The following DEPDC1 variants were observed in gnomAD, a reference collection of about 807,000 sequenced individuals.
DEPDC1 encodes DEP domain containing 1.
In DEPDC1, 66 loss-of-function variants were observed where a neutral mutation model predicts 86.8. The observed-to-expected ratio is 0.76, with a 90% CI of 0.62 to 0.93. The LOEUF is 0.93. Among genes scored for constraint, DEPDC1 ranks in the 40% least tolerant of loss-of-function variants. The probability of loss-of-function intolerance (pLI) is 0.00; values close to 1 mark genes in which losing one functional copy is unlikely to be tolerated. For missense variants in DEPDC1, 792 were observed against 935.7 expected (o/e 0.85, Z 2.00); for synonymous variants, 255 against 314.9 (o/e 0.81, Z 2.02).
rs375154225 is a variant in DEPDC1, at chr1:68,492,707, CAAAT to C, written c.314+1719_314+1722del. On this transcript the variant is annotated intron_variant, in intron 2 of 11. Coordinates refer to ENST00000456315, the MANE Select transcript of DEPDC1 (RefSeq NM_001114120.3). ...AAATCCAGGTAAAACAAAAGCAAAA[CAAAT>C]AAAGAGAAATCCAGGTAAGAATTAT... 4.5e-4 allele frequency among the ~76,000 whole-genome samples: 69 copies of C among 152,086 alleles called. 1 individual carries two copies. Among genetic ancestry groups the C allele is most frequent in the African/African-American group, 1.2e-3 (50 of 41,488 alleles).
At position 68,476,841 on chromosome 1, in the gene DEPDC1, A is replaced by G; in HGVS notation, c.*91T>C. On this transcript the variant is annotated 3_prime_UTR_variant, in exon 12 of 12. Coordinates refer to ENST00000456315, the MANE Select transcript of DEPDC1 (RefSeq NM_001114120.3). Reference sequence around the variant, plus strand: ...GTGTTTATTTAGAAATACCTTATTAATGACAGACTTCCTTTTGAGTAGCTA... The same window carrying G: ...GTGTTTATTTAGAAATACCTTATTAGTGACAGACTTCCTTTTGAGTAGCTA... 8.7e-7 allele frequency: 1 copy of G among 1,147,390 alleles called. No individual in the cohort carries two copies. Among genetic ancestry groups the G allele is most frequent in the East Asian group, 2.6e-5 (1 of 37,846 alleles). 71.1% of individuals were successfully genotyped at this position (1,147,390 alleles called of 1,614,324 possible).
chr1:68,489,312 A>G, intron 3 of DEPDC1, 140 bp downstream of exon 3: 3 of 579,008 alleles, frequency 5.2e-6, no homozygotes, highest in Non-Finnish European at 8.6e-6. Context: ...AATTTTATAT[A>G]TACATATTTA....
chr1:68,484,456 T>G (rs1202480287), intron 6 of DEPDC1, among the ~76,000 whole-genome samples: 1 of 152,072 alleles, frequency 6.6e-6, no homozygotes, highest in Non-Finnish European at 1.5e-5. Context: ...TTTTGTAAAT[T>G]TACATGTTCA....
In DEPDC1 at chr1:68,482,209, GATA is replaced by G; in HGVS notation, c.1596_1598del (p.Ile533del). 1 of 1,612,876 alleles carries G rather than the reference GATA, an allele frequency of 6.2e-7. No individual in the cohort carries two copies. Among genetic ancestry groups the G allele is most frequent in the Middle Eastern group, 1.7e-4 (1 of 6,046 alleles). Reference sequence around the variant, plus strand: ...TGCCTTGTCCAACATTTGGTTTCATGATAATTTCAGCCACTGGTGTATTGATAT... The same window carrying G: ...TGCCTTGTCCAACATTTGGTTTCATGATTTCAGCCACTGGTGTATTGATAT... On this transcript the variant is annotated inframe_deletion, in exon 8 of 12. Transcript: ENST00000456315.
chr1:68,495,451 A>C (rs1646258601), intron 1 of DEPDC1, among the ~76,000 whole-genome samples: 1 of 152,230 alleles, frequency 6.6e-6, no homozygotes, highest in Non-Finnish European at 1.5e-5. Context: ...TTTTCACATA[A>C]GGAAAATAAA....
At chr1:68,489,669 A>AT (rs561969956) in intron 2 of DEPDC1, 61 bp from the exon 3 acceptor site, 31,325 of 1,191,194 alleles carry the variant, frequency 0.026, 191 homozygotes, top group Middle Eastern at 0.039. Context: ...TTTAGAGCCT[A>AT]TTTTTTTTTT....
chr1:68,489,447 G>T lies in DEPDC1; in HGVS notation c.471+5C>A, dbSNP rs757481894. 2.0e-6 allele frequency: 3 copies of T among 1,479,248 alleles called. No homozygotes were observed. Among genetic ancestry groups the T allele is most frequent in the East Asian group, 5.1e-5 (2 of 38,868 alleles). The allele number at this position is 1,479,248 out of a possible 1,614,324, so 91.6% of individuals were successfully genotyped here. A position where few individuals can be genotyped will look rare whatever the true frequency, so the allele number is the denominator to read the frequency against. ...AAACTAGTAATTAGTAAAAGGATGT[G>T]TTACCTGAGATAAATGTAATCCATG... On this transcript the variant is annotated splice_donor_5th_base_variant and intron_variant, in intron 3 of 11. Coordinates refer to ENST00000456315, the MANE Select transcript of DEPDC1 (RefSeq NM_001114120.3).
At chr1:68,489,319 T>C in intron 3 of DEPDC1, 133 bp downstream of exon 3, 2 of 600,556 alleles carry the variant, frequency 3.3e-6, no homozygotes, top group Middle Eastern at 4.7e-4. Flanking sequence ...TATATACATA[T>C]TTAGAATGTA....
Position 68,496,855 on chromosome 1 carries a change from C to T in DEPDC1, c.48+97G>A. On this transcript the variant is annotated intron_variant, in intron 1 of 11. Transcript: ENST00000456315. This position sits in a 1 kb window ranked among gnomAD's most constrained non-coding sequence, Gnocchi z 4.0. ...CTAGGGATCCTGGGACTCATCCCTC[C>T]GACCGAGGTAAAACTGCGAACGGTC... is the stretch of plus-strand genomic sequence containing the variant. 7.8e-7 allele frequency: 1 copy of T among 1,274,022 alleles called. No homozygotes were observed. Among genetic ancestry groups the T allele is most frequent in the Non-Finnish European group, 1.1e-6 (1 of 890,234 alleles). 78.9% of individuals were successfully genotyped at this position (1,274,022 alleles called of 1,614,324 possible).
chr1:68,479,112 T>C (rs770651678), intron 10 of DEPDC1, 32 bp downstream of exon 10: 7 of 1,568,382 alleles, frequency 4.5e-6, no homozygotes, highest in East Asian at 2.3e-5. Flanking sequence ...CAACTGACTA[T>C]TGCAGAGAAT....
At chr1:68,491,434 T>C (rs1324659672) in intron 2 of DEPDC1, among the ~76,000 whole-genome samples, 1 of 152,138 alleles carries the variant, frequency 6.6e-6, no homozygotes, top group African/African-American at 2.4e-5. Flanking sequence ...TATTACTGAT[T>C]GGAGAAATGT....
Position 68,477,862 on chromosome 1 carries a change from T to G in DEPDC1, c.2223A>C (p.Ala741=), listed in dbSNP as rs1042217555. ...DEQKVSTSQA[A]IAELLENIIK... is the part of the protein sequence containing the mutation. ...TAATATTTTCTAAAAGTTCTGCAAT[T>G]GCAGCTTGAGAGGTAGAAACTTTTT... The change falls in exon 11 of 12, where the codon GCA becomes GCC. Residue 741 remains alanine (A), a synonymous_variant. Coordinates refer to ENST00000456315, the MANE Select transcript of DEPDC1 (RefSeq NM_001114120.3). The G allele has an allele frequency of 3.1e-6, 5 of 1,589,002 alleles. No individual in the cohort carries two copies. In the African/African-American group the frequency reaches 6.7e-5, roughly 21 times the overall value.
chr1:68,493,013 G>A (rs1445357198), intron 2 of DEPDC1, among the ~76,000 whole-genome samples: 3 of 152,136 alleles, frequency 2.0e-5, no homozygotes. Flanking sequence ...GATATTTCAG[G>A]AGAGGCCTGA....
At chr1:68,483,408 C>A in intron 7 of DEPDC1, 1 of 474,666 alleles carries the variant, frequency 2.1e-6, no homozygotes. Context: ...ATTTTCATCA[C>A]CAACTACAAC....
At chr1:68,488,569 A>G in intron 4 of DEPDC1, 65 bp from the exon 5 acceptor site, 1 of 1,309,656 alleles carries the variant, frequency 7.6e-7, no homozygotes, top group Non-Finnish European at 1.1e-6. Flanking sequence ...GAATATGACT[A>G]GTAAACAAAG....
Position 68,474,709 on chromosome 1 carries a change from GATCTTT to G in DEPDC1, c.*2217_*2222del, listed in dbSNP as rs1646103088. The G allele has an allele frequency of 6.6e-6, 1 of 151,982 alleles. No homozygotes were observed. The highest frequency in any genetic ancestry group is 2.4e-5 in the African/African-American group (1 of 41,426). The allele number at this position is 151,982 out of a possible 1,614,324, so 9.4% of individuals were successfully genotyped here. ...CAACTCATCTATATTTGAACTTAAA[GATCTTT>G]ATGTTAGAATGGAATCTATCCATGT... On this transcript the variant is annotated 3_prime_UTR_variant, in exon 12 of 12. Transcript: ENST00000456315.
At position 68,489,518 on chromosome 1, in the gene DEPDC1, A is replaced by G. The variant is rs769509463; in HGVS notation, c.405T>C (p.Asp135=). ...NNIENFSKDK[D]SIFKLRNLSR... ...ATAAGTTTCGTAATTTAAAAATGCT[A>G]TCTTTATCTTTGGAAAAGTTCTCTA... Residue 135 remains aspartate, a synonymous_variant, in exon 3 of 12, where the codon GAT becomes GAC. Coordinates refer to ENST00000456315, the MANE Select transcript of DEPDC1 (RefSeq NM_001114120.3). 1 of 1,547,748 alleles carries G rather than the reference A, an allele frequency of 6.5e-7. No homozygotes were observed. Among genetic ancestry groups the G allele is most frequent in the Non-Finnish European group, 8.6e-7 (1 of 1,156,654 alleles).
chr1:68,476,675 C>T lies in DEPDC1; in HGVS notation c.*257G>A, dbSNP rs1046991643. On this transcript the variant is annotated 3_prime_UTR_variant, in exon 12 of 12. Coordinates refer to ENST00000456315, the MANE Select transcript of DEPDC1 (RefSeq NM_001114120.3). ...TTCAAGTAAATAAAATTTTAGCACACATCATGATAGCCTTACTGGATAGCT... is the reference window on the plus strand; with the variant it reads ...TTCAAGTAAATAAAATTTTAGCACATATCATGATAGCCTTACTGGATAGCT... 1.1e-5 allele frequency: 3 copies of T among 282,328 alleles called. No homozygotes were observed. The highest frequency in any genetic ancestry group is 2.0e-5 in the Non-Finnish European group (3 of 152,650). The allele number at this position is 282,328 out of a possible 1,614,324, so 17.5% of individuals were successfully genotyped here.
chr1:68,496,860 G>GAGGTAAAACTGCGAACGGTCT lies in DEPDC1; in HGVS notation c.48+91_48+92insAGACCGTTCGCAGTTTTACCT. The GAGGTAAAACTGCGAACGGTCT allele has an allele frequency of 7.6e-7, 1 of 1,313,696 alleles. No individual in the cohort carries two copies. The highest frequency in any genetic ancestry group is 1.1e-6 in the Non-Finnish European group (1 of 923,990). 81.4% of individuals were successfully genotyped at this position (1,313,696 alleles called of 1,614,324 possible). On this transcript the variant is annotated intron_variant, in intron 1 of 11. Coordinates refer to ENST00000456315, the MANE Select transcript of DEPDC1 (RefSeq NM_001114120.3). The surrounding 1 kb of genome is among the most constrained non-coding windows in gnomAD (Gnocchi z 4.0). ...GATCCTGGGACTCATCCCTCCGACCGAGGTAAAACTGCGAACGGTCGAGGT... is the reference window on the plus strand; with the variant it reads ...GATCCTGGGACTCATCCCTCCGACCGAGGTAAAACTGCGAACGGTCTAGGTAAAACTGCGAACGGTCGAGGT...
Sources: gnomAD v4.1 joint callset for allele counts (sites outside exome capture counted in the v4.1 genomes callset) on GRCh38, gnomAD v4.1.1 for gene constraint, Gnocchi (gnomAD v3.1) non-coding constraint, MANE v1.5 for transcripts, NCBI Gene and HGNC (gene_info 2026-07-23, HGNC 2026-07-21) for gene names.